HSPB1: variants seen among roughly 807,000 people sequenced by gnomAD.
HSPB1 encodes the protein heat shock protein family B (small) member 1, also known as heat shock protein beta-1.
A neutral mutation model predicts 17.0 loss-of-function variants in HSPB1; 19 were observed. That is an observed-to-expected ratio of 1.12 (90% CI 0.78 to 1.64). HSPB1 has a LOEUF of 1.64. HSPB1 is among the 40% of genes most tolerant of loss of function. The pLI is 0.00. For synonymous variants in HSPB1, 165 were observed against 129.8 expected (o/e 1.27, Z -1.84); for missense variants, 348 against 289.2 (o/e 1.20, Z -1.47).
At chr7:76,303,357 C>A in intron 1 of HSPB1, 1 of 488,654 alleles carries the variant, frequency 2.0e-6, no homozygotes, top group Non-Finnish European at 3.6e-6. Flanking sequence ...GCGAGACGCG[C>A]CCCCCCGCCC....
chr7:76,303,482 A>G, intron 1 of HSPB1: 1 of 535,544 alleles, frequency 1.9e-6, no homozygotes, highest in Non-Finnish European at 3.3e-6. Flanking sequence ...CCCCATCCCC[A>G]GATAAGCGGG....
rs587781250 is a variant in HSPB1, at chr7:76,303,817, G to T, written c.380G>T (p.Arg127Leu). 3.7e-6 allele frequency: 6 copies of T among 1,610,728 alleles called. No individual in the cohort carries two copies. The highest frequency in any genetic ancestry group is 2.5e-6 in the Non-Finnish European group (3 of 1,179,792). ...VVEITGKHEE[R>L]QDEHGYISRC... ...CCCCCCAAAGGCAAGCACGAGGAGC[G>T]GCAGGACGAGCATGGCTACATCTCC... The change falls in exon 2 of 3, where the codon CGG becomes CTG. Residue 127 changes from arginine to leucine, a missense_variant. Coordinates refer to ENST00000248553, the MANE Select transcript of HSPB1 (RefSeq NM_001540.5).
chr7:76,303,361 C>T, intron 1 of HSPB1: 1 of 517,112 alleles, frequency 1.9e-6, no homozygotes, highest in Non-Finnish European at 3.4e-6. Flanking sequence ...GACGCGCCCC[C>T]CCGCCCCGAC....
In HSPB1 at chr7:76,302,763, C is replaced by T; in HGVS notation, c.51C>T (p.Asp17=). The T allele has an allele frequency of 6.2e-7, 1 of 1,607,512 alleles. No individual in the cohort carries two copies. Among genetic ancestry groups the T allele is most frequent in the Admixed American group, 1.7e-5 (1 of 59,948 alleles). Residue 17 remains aspartate (D), a synonymous_variant, in exon 1 of 3, where the codon GAC becomes GAT. Coordinates refer to ENST00000248553, the MANE Select transcript of HSPB1 (RefSeq NM_001540.5). The part of the protein sequence containing the change: ...PFSLLRGPSW[D]PFRDWYPHSR... ...CGCTCCTGCGGGGCCCCAGCTGGGA[C>T]CCCTTCCGCGACTGGTACCCGCATA... is the stretch of plus-strand genomic sequence containing the variant.
At chr7:76,303,318 AG>A (rs1356444248) in intron 1 of HSPB1, 3 of 546,100 alleles carry the variant, frequency 5.5e-6, no homozygotes, top group Non-Finnish European at 9.7e-6. Context: ...GCTTGAGGCC[AG>A]GAGTTCAAGA....
Position 76,303,999 on chromosome 7 carries a change from G to A in HSPB1, c.444G>A (p.Val148=). The A allele has an allele frequency of 6.2e-7, 1 of 1,613,800 alleles. No individual in the cohort carries two copies. Among genetic ancestry groups the A allele is most frequent in the Non-Finnish European group, 8.5e-7 (1 of 1,179,996 alleles). The change falls in exon 3 of 3, where the codon GTG becomes GTA. Residue 148 remains valine (V), a synonymous_variant. Transcript: ENST00000248553. ...GCACGTCCAGGCTGCCCCCCGGTGT[G>A]GACCCCACCCAAGTTTCCTCCTCCC... The part of the protein sequence containing the change: ...FTRKYTLPPG[V]DPTQVSSSLS...
Position 76,303,841 on chromosome 7 carries a change from C to A in HSPB1, c.404C>A (p.Ser135Tyr), listed in dbSNP as rs28939680. 1.2e-6 allele frequency: 2 copies of A among 1,610,956 alleles called. No homozygotes were observed. The change falls in exon 2 of 3, where the codon TCC (serine) becomes TAC (tyrosine). Residue 135 changes from serine (S) to tyrosine (Y), a missense_variant. Ser to Tyr is a moderately radical substitution (Grantham distance 144). Coordinates refer to ENST00000248553, the MANE Select transcript of HSPB1 (RefSeq NM_001540.5). ...CGGCAGGACGAGCATGGCTACATCT[C>A]CCGGTGCTTCACGCGGAAATACACG... ...EERQDEHGYI[S>Y]RCFTRKYTLP...
Position 76,304,030 on chromosome 7 carries a change from C to A in HSPB1, c.475C>A (p.Pro159Thr). 6.2e-7 allele frequency: 1 copy of A among 1,613,918 alleles called. No individual in the cohort carries two copies. Among genetic ancestry groups the A allele is most frequent in the South Asian group, 1.1e-5 (1 of 91,066 alleles). Residue 159 changes from proline (P) to threonine (T), a missense_variant, in exon 3 of 3, where the codon CCT becomes ACT. By Grantham distance (38) the Pro-to-Thr change is conservative. Coordinates refer to ENST00000248553, the MANE Select transcript of HSPB1 (RefSeq NM_001540.5). The part of the protein sequence containing the change: ...DPTQVSSSLS[P>T]EGTLTVEAPM... ...CACCCAAGTTTCCTCCTCCCTGTCC[C>A]CTGAGGGCACACTGACCGTGGAGGC...
At position 76,303,661 on chromosome 7, in the gene HSPB1, GCCC is replaced by G. The variant is rs1190644785; in HGVS notation, c.365-138_365-136del. The G allele has an allele frequency of 6.0e-6, 4 of 661,844 alleles. No individual in the cohort carries two copies. The East Asian group carries it at 1.1e-4, about 18-fold the overall frequency. 41.0% of individuals were successfully genotyped at this position (661,844 alleles called of 1,614,324 possible). ...TCTGAGAGCCCAGACCGGCGGGCAC[GCCC>G]CCATCCCCAACCCCCTCTGTTAATC... On this transcript the variant is annotated intron_variant, in intron 1 of 2. Coordinates refer to ENST00000248553, the MANE Select transcript of HSPB1 (RefSeq NM_001540.5).
rs1803009815 is a variant in HSPB1, at chr7:76,302,692, T to C, written c.-21T>C. On this transcript the variant is annotated 5_prime_UTR_variant, in exon 1 of 3. Coordinates refer to ENST00000248553, the MANE Select transcript of HSPB1 (RefSeq NM_001540.5). ...CGCCCCGCACTTTTCTGAGCAGACGTCCAGAGCAGAGTCAGCCAGCATGAC... is the reference window on the plus strand; with the variant it reads ...CGCCCCGCACTTTTCTGAGCAGACGCCCAGAGCAGAGTCAGCCAGCATGAC... 1.3e-6 allele frequency: 2 copies of C among 1,598,570 alleles called. No individual in the cohort carries two copies. Among genetic ancestry groups the C allele is most frequent in the South Asian group, 2.2e-5 (2 of 90,980 alleles).
At chr7:76,303,700 T>G (rs1370664602) in intron 1 of HSPB1, 102 bp from the exon 2 acceptor site, 3 of 927,170 alleles carry the variant, frequency 3.2e-6, no homozygotes, top group Non-Finnish European at 5.3e-6. Flanking sequence ...CCTACCAGCC[T>G]GCAGTCCTGG....
chr7:76,303,163 G>A, intron 1 of HSPB1, 87 bp downstream of exon 1: 1 of 1,450,264 alleles, frequency 6.9e-7, no homozygotes, highest in Non-Finnish European at 9.2e-7. Context: ...GGGGTCCCGG[G>A]GGCCTGGGGA....
At position 76,302,899 on chromosome 7, in the gene HSPB1, A is replaced by G; in HGVS notation, c.187A>G (p.Ile63Val). Residue 63 changes from isoleucine (I) to valine (V), a missense_variant, in exon 1 of 3, where the codon ATC becomes GTC. Ile to Val is a conservative substitution (Grantham distance 29, BLOSUM62 3). Transcript: ENST00000248553. ...CGTGCGCCCCCTGCCCCCCGCCGCC[A>G]TCGAGAGCCCCGCAGTGGCCGCGCC... ...GYVRPLPPAA[I>V]ESPAVAAPAY... 1 of 1,553,826 alleles carries G rather than the reference A, an allele frequency of 6.4e-7. No individual in the cohort carries two copies. The highest frequency in any genetic ancestry group is 8.7e-7 in the Non-Finnish European group (1 of 1,155,620).
rs1279432561 is a variant in HSPB1, at chr7:76,303,063, G to A, written c.351G>A (p.Val117=). ...DELTVKTKDG[V]VEITGKHEER... is the part of the protein sequence containing the mutation. ...TGACGGTCAAGACCAAGGATGGCGTGGTGGAGATCACCGGTGAGCCCCCCT... is the reference window on the plus strand; with the variant it reads ...TGACGGTCAAGACCAAGGATGGCGTAGTGGAGATCACCGGTGAGCCCCCCT... Residue 117 remains valine, a synonymous_variant, in exon 1 of 3, where the codon GTG becomes GTA. Transcript: ENST00000248553. 3 of 1,532,096 alleles carry A rather than the reference G, an allele frequency of 2.0e-6. No individual in the cohort carries two copies. In the Admixed American group the frequency reaches 5.8e-5, roughly 30 times the overall value. The allele number at this position is 1,532,096 out of a possible 1,614,324, so 94.9% of individuals were successfully genotyped here.
At position 76,303,613 on chromosome 7, in the gene HSPB1, A is replaced by G. The variant is rs112258813; in HGVS notation, c.365-189A>G. Reference sequence around the variant, plus strand: ...CTGCTCCGTTCCTCCCAAAACTCTGAATCGAAGAACTTTCCGGAAGTTTCT... The same window carrying G: ...CTGCTCCGTTCCTCCCAAAACTCTGGATCGAAGAACTTTCCGGAAGTTTCT... On this transcript the variant is annotated intron_variant, in intron 1 of 2. Coordinates refer to ENST00000248553, the MANE Select transcript of HSPB1 (RefSeq NM_001540.5). The G allele has an allele frequency of 1.5e-3, 936 of 636,376 alleles. 9 individuals carry two copies. The African/African-American group carries it at 0.016, about 11-fold the overall frequency. 39.4% of individuals were successfully genotyped at this position (636,376 alleles called of 1,614,324 possible).
chr7:76,304,065 C>T lies in HSPB1; in HGVS notation c.510C>T (p.Pro170=). The T allele has an allele frequency of 6.2e-7, 1 of 1,613,814 alleles. No homozygotes were observed. Among genetic ancestry groups the T allele is most frequent in the Non-Finnish European group, 8.5e-7 (1 of 1,179,936 alleles). Residue 170 remains proline, a synonymous_variant, in exon 3 of 3, where the codon CCC becomes CCT. Coordinates refer to ENST00000248553, the MANE Select transcript of HSPB1 (RefSeq NM_001540.5). ...CACTGACCGTGGAGGCCCCCATGCC[C>T]AAGCTAGCCACGCAGTCCAACGAGA... ...EGTLTVEAPM[P]KLATQSNEIT... is the part of the protein sequence containing the mutation.
Position 76,303,021 on chromosome 7 carries a change from C to G in HSPB1, c.309C>G (p.His103Gln). 1 of 1,542,406 alleles carries G rather than the reference C, an allele frequency of 6.5e-7. No homozygotes were observed. The highest frequency in any genetic ancestry group is 8.7e-7 in the Non-Finnish European group (1 of 1,148,684). ...DRWRVSLDVNHFAPDELTVKT... is the reference protein window; with the variant it reads ...DRWRVSLDVNQFAPDELTVKT... ...GGCGCGTGTCCCTGGATGTCAACCA[C>G]TTCGCCCCGGACGAGCTGACGGTCA... Residue 103 changes from histidine (H) to glutamine (Q), a missense_variant, in exon 1 of 3, where the codon CAC becomes CAG. His to Gln is a conservative substitution (Grantham distance 24). Coordinates refer to ENST00000248553, the MANE Select transcript of HSPB1 (RefSeq NM_001540.5).
intron 1 of HSPB1, chr7:76,303,540 C>CGCGGCTCCAAGTGCGCCTGCGT: frequency 1.7e-6 from 1 of 582,004 alleles, no homozygotes; most frequent in Admixed American, 3.0e-5. Context: ...TGGGCGTGTG[C>CGCGGCTCCAAGTGCGCCTGCGT]GCGGCTCCAA....
Position 76,302,700 on chromosome 7 carries a change from A to G in HSPB1, c.-13A>G. 2 of 1,599,568 alleles carry G rather than the reference A, an allele frequency of 1.3e-6. No individual in the cohort carries two copies. The highest frequency in any genetic ancestry group is 8.5e-7 in the Non-Finnish European group (1 of 1,179,826). On this transcript the variant is annotated 5_prime_UTR_variant, in exon 1 of 3. Transcript: ENST00000248553. Reference sequence around the variant, plus strand: ...ACTTTTCTGAGCAGACGTCCAGAGCAGAGTCAGCCAGCATGACCGAGCGCC... The same window carrying G: ...ACTTTTCTGAGCAGACGTCCAGAGCGGAGTCAGCCAGCATGACCGAGCGCC...
Sources: gnomAD v4.1 joint callset for allele counts on GRCh38, gnomAD v4.1.1 for gene constraint, MANE v1.5 for transcripts, NCBI Gene and HGNC (gene_info 2026-07-23, HGNC 2026-07-21) for gene names.